Variants in PHYHIPL observed in about 807,000 individuals in gnomAD.
PHYHIPL encodes phytanoyl-CoA hydroxylase-interacting protein-like.
A neutral mutation model predicts 33.4 loss-of-function variants in PHYHIPL; 9 were observed. The ratio of observed to expected loss-of-function variants is 0.27; its 90% CI spans 0.16 to 0.47. The LOEUF is 0.47. Ranked by LOEUF, PHYHIPL falls within the 20% of genes least tolerant of loss-of-function variation. The probability of loss-of-function intolerance (pLI) is 0.99; values close to 1 mark genes in which losing one functional copy is unlikely to be tolerated. For synonymous variants in PHYHIPL, 153 were observed against 154.1 expected, an observed-to-expected ratio of 0.99 and a Z score of 0.05; for missense variants, 365 against 460.7, an observed-to-expected ratio of 0.79 and a Z score of 1.90.
At chr10:59,244,576 A>AAAAAAAAAAAAAAAAAAAAAAC (rs1840571594) in intron 4 of PHYHIPL, among the ~76,000 whole-genome samples, 3 of 148,756 alleles carry the variant, frequency 2.0e-5, no homozygotes, top group African/African-American at 2.5e-5. Context: ...AAAAAAAAAA[A>AAAAAAAAAAAAAAAAAAAAAAC]AAAAAAAAAA....
At chr10:59,201,609 A>G (rs879881531) in intron 1 of PHYHIPL, among the ~76,000 whole-genome samples, 7 of 151,896 alleles carry the variant, frequency 4.6e-5, no homozygotes, top group Admixed American at 4.6e-4. Flanking sequence ...GATCTCTTCA[A>G]TATTTGCTTT....
intron 4 of PHYHIPL, among the ~76,000 whole-genome samples, chr10:59,242,885 A>T (rs1840454701): frequency 2.6e-5 from 4 of 152,302 alleles, no homozygotes; most frequent in African/African-American, 9.6e-5. Context: ...TCACCGAAAA[A>T]TATATATCAG....
chr10:59,183,206 A>G (rs1332785411), intron 1 of PHYHIPL, among the ~76,000 whole-genome samples: 1 of 152,082 alleles, frequency 6.6e-6, no homozygotes, highest in Admixed American at 6.6e-5. Flanking sequence ...TGTGAGAATC[A>G]GTACAATATA....
intron 4 of PHYHIPL, among the ~76,000 whole-genome samples, chr10:59,243,686 G>A (rs1840496473): frequency 6.6e-6 from 1 of 151,980 alleles, no homozygotes; most frequent in South Asian, 2.1e-4. Flanking sequence ...TTGACTGGGG[G>A]AACTTTCCCT....
intron 1 of PHYHIPL, among the ~76,000 whole-genome samples, chr10:59,189,895 G>A (rs548870081): frequency 6.6e-6 from 1 of 152,042 alleles, no homozygotes; most frequent in African/African-American, 2.4e-5. Flanking sequence ...GGAATGCATA[G>A]CATTTGGTAT....
chr10:59,193,310 G>A (rs1838828834), intron 1 of PHYHIPL, among the ~76,000 whole-genome samples: 1 of 152,150 alleles, frequency 6.6e-6, no homozygotes, highest in Non-Finnish European at 1.5e-5. Flanking sequence ...ACTGACAAGA[G>A]AACTAAGTGT....
In PHYHIPL at chr10:59,181,907, C is replaced by G. The variant is rs567634003; in HGVS notation, c.106+4948C>G. Reference sequence around the variant, plus strand: ...TGATGTGTTGTATGTTTAACGCTGGCAACTTACTTTGTTGCCTAGGTAGGC... The same window carrying G: ...TGATGTGTTGTATGTTTAACGCTGGGAACTTACTTTGTTGCCTAGGTAGGC... On this transcript the variant is annotated intron_variant, in intron 1 of 4. Transcript: ENST00000373880. 3.3e-5 allele frequency among the ~76,000 whole-genome samples: 5 copies of G among 152,286 alleles called. No homozygotes were observed. In the South Asian group the frequency reaches 1.0e-3, roughly 32 times the overall value.
upstream of PHYHIPL, among the ~76,000 whole-genome samples, chr10:59,175,648 G>A (rs1028468424): frequency 6.6e-6 from 1 of 152,234 alleles, no homozygotes; most frequent in Admixed American, 6.5e-5. Context: ...TGTTTAAAAC[G>A]TTTGCACATC....
intron 1 of PHYHIPL, among the ~76,000 whole-genome samples, chr10:59,181,329 CACTTCA>C (rs1309076868): frequency 6.6e-6 from 1 of 151,758 alleles, no homozygotes; most frequent in Non-Finnish European, 1.5e-5. Context: ...TATAGGAAAT[CACTTCA>C]ACTTCATGAG....
chr10:59,193,533 A>G (rs1159817963), intron 1 of PHYHIPL, among the ~76,000 whole-genome samples: 1 of 152,150 alleles, frequency 6.6e-6, no homozygotes, highest in Non-Finnish European at 1.5e-5. Context: ...CATATGTCCA[A>G]GATTTTCTTT....
chr10:59,229,796 T>G (rs988118456), intron 1 of PHYHIPL, among the ~76,000 whole-genome samples: 1 of 152,184 alleles, frequency 6.6e-6, no homozygotes. Flanking sequence ...CAGCAGTGTG[T>G]GAGTGGTTGA....
intron 1 of PHYHIPL, among the ~76,000 whole-genome samples, chr10:59,184,966 A>C (rs904896770): frequency 6.6e-6 from 1 of 151,040 alleles, no homozygotes; most frequent in Non-Finnish European, 1.5e-5. Flanking sequence ...ATGTGCCTAC[A>C]AAGGACATGA....
chr10:59,219,889 T>A (rs1317522538), intron 1 of PHYHIPL, among the ~76,000 whole-genome samples: 1 of 151,998 alleles, frequency 6.6e-6, no homozygotes, highest in East Asian at 1.9e-4. Flanking sequence ...AAAATACAGG[T>A]CCCTACTGAA....
In PHYHIPL at chr10:59,182,366, G is replaced by A. The variant is rs550977866; in HGVS notation, c.106+5407G>A. Among the ~76,000 whole-genome samples the A allele has an allele frequency of 2.0e-4, 30 of 151,876 alleles. No homozygotes were observed. In the South Asian group the frequency reaches 6.0e-3, roughly 31 times the overall value. ...TTATTAGCATTATTATTATTGAGAC[G>A]GAGTTTCGCTCTTTCACCCAGGCTG... is the stretch of plus-strand genomic sequence containing the variant. On this transcript the variant is annotated intron_variant, in intron 1 of 4. Coordinates refer to ENST00000373880, the MANE Select transcript of PHYHIPL (RefSeq NM_032439.4).
chr10:59,232,825 G>T (rs1840118307), intron 1 of PHYHIPL, among the ~76,000 whole-genome samples: 1 of 151,798 alleles, frequency 6.6e-6, no homozygotes, highest in South Asian at 2.1e-4. Context: ...CAGATTAATG[G>T]GTTGAAATGT....
At chr10:59,202,825 A>G (rs1392326954) in intron 1 of PHYHIPL, among the ~76,000 whole-genome samples, 1 of 152,170 alleles carries the variant, frequency 6.6e-6, no homozygotes, top group Non-Finnish European at 1.5e-5. Context: ...CTCTTAACTA[A>G]TATCATTCTA....
intron 1 of PHYHIPL, among the ~76,000 whole-genome samples, chr10:59,180,360 ATAC>A (rs1838384501): frequency 1.0e-5 from 1 of 99,790 alleles, no homozygotes; most frequent in African/African-American, 4.6e-5. Flanking sequence ...ATATATATAT[ATAC>A]TTTTTCTTCC....
At chr10:59,228,595 C>A (rs941680348) in intron 1 of PHYHIPL, among the ~76,000 whole-genome samples, 4 of 152,098 alleles carry the variant, frequency 2.6e-5, no homozygotes, top group African/African-American at 9.7e-5. Context: ...TTAAAACATA[C>A]ATTTGTTTAA....
chr10:59,212,550 A>T (rs998648201), intron 1 of PHYHIPL, among the ~76,000 whole-genome samples: 3 of 152,176 alleles, frequency 2.0e-5, no homozygotes, highest in African/African-American at 7.2e-5. Context: ...GCAAATGGTC[A>T]ACCGTTAACC....
Sources: allele counts gnomAD v4.1 joint callset (sites outside exome capture counted in the v4.1 genomes callset), GRCh38; gene constraint gnomAD v4.1.1; transcripts MANE v1.5; gene names NCBI Gene and HGNC (gene_info 2026-07-23, HGNC 2026-07-21).